The following ITGA5 variants were observed in gnomAD, a reference collection of about 807,000 sequenced individuals.
The protein encoded by ITGA5 is integrin alpha-5.
ITGA5 carries 55 observed loss-of-function variants against 146.3 expected under a neutral mutation model. The observed-to-expected ratio is 0.38, with a 90% CI of 0.30 to 0.47. The LOEUF is 0.47. Ranked by LOEUF, ITGA5 falls within the 20% of genes least tolerant of loss-of-function variation. The probability of loss-of-function intolerance (pLI) is 0.99; values close to 1 mark genes in which losing one functional copy is unlikely to be tolerated. For synonymous variants in ITGA5, 500 were observed against 531.8 expected (o/e 0.94, Z 0.82); for missense variants, 1,131 against 1,329.0 (o/e 0.85, Z 2.32).
chr12:54,408,040 G>A (rs573183756), intron 7 of ITGA5, 70 bp downstream of exon 7: 34 of 1,594,938 alleles, frequency 2.1e-5, no homozygotes, highest in Middle Eastern at 1.9e-4. Flanking sequence ...GAGGGGAGGC[G>A]AGGGGGTGAG....
At chr12:54,398,033 G>A (rs965833990) in intron 28 of ITGA5, among the ~76,000 whole-genome samples, 1 of 151,998 alleles carries the variant, frequency 6.6e-6, no homozygotes, top group Non-Finnish European at 1.5e-5. Context: ...GAGTAGCTGG[G>A]ACCACAGATA....
Position 54,418,962 on chromosome 12 carries a change from T to C in ITGA5, c.218+19A>G, listed in dbSNP as rs753568045. The C allele has an allele frequency of 3.2e-6, 5 of 1,584,976 alleles. No individual in the cohort carries two copies. The highest frequency in any genetic ancestry group is 4.3e-6 in the Non-Finnish European group (5 of 1,164,314). On this transcript the variant is annotated intron_variant, in intron 1 of 29. Coordinates refer to ENST00000293379, the MANE Select transcript of ITGA5 (RefSeq NM_002205.5). ...GCGGCTCCCCCACCCCCATCCCGTC[T>C]CCAGCCCTCCTCACTCACCCGTCTG...
chr12:54,407,911 G>A (rs1448244111), intron 7 of ITGA5, 35 bp from the exon 8 acceptor site: 2 of 1,557,662 alleles, frequency 1.3e-6, no homozygotes, highest in Non-Finnish European at 1.7e-6. Flanking sequence ...TAGGATTCCT[G>A]CTTTGAGGAC....
chr12:54,404,543 C>T, intron 13 of ITGA5, 68 bp from the exon 14 acceptor site: 1 of 1,585,812 alleles, frequency 6.3e-7, no homozygotes, highest in Admixed American at 1.7e-5. Context: ...CCTAACCCCT[C>T]CTGGTTTCAA....
chr12:54,402,196 A>C lies in ITGA5; in HGVS notation c.2117T>G (p.Leu706Arg). 1 of 1,613,662 alleles carries C rather than the reference A, an allele frequency of 6.2e-7. No individual in the cohort carries two copies. The highest frequency in any genetic ancestry group is 8.5e-7 in the Non-Finnish European group (1 of 1,179,678). ...TAPPEAEYSG[L>R]VRHPGNFSSL... ...TCATCTCACCCCTGGGTGTCTGACG[A>C]GTCCTGAGTACTCAGCCTCTGGAGG... Residue 706 changes from leucine to arginine, a missense_variant, in exon 20 of 30, where the codon CTC becomes CGC. Around this residue, in one of 3 missense-constraint regions of ITGA5, gnomAD observed 889 missense variants for 1,021.5 expected, o/e 0.87. Transcript: ENST00000293379.
At chr12:54,405,111 C>A in intron 12 of ITGA5, 55 bp downstream of exon 12, 1 of 1,459,234 alleles carries the variant, frequency 6.9e-7, no homozygotes, top group South Asian at 1.3e-5. Flanking sequence ...TCCCCAAATC[C>A]CTTCTGACTT....
chr12:54,403,555 T>C lies in ITGA5; in HGVS notation c.1776+70A>G, dbSNP rs1197152862. ...CTGGAGTCCCCCAGTCTTTTTCCCT[T>C]CAGGAGGTGCCCTCAGTTCTGTGTG... On this transcript the variant is annotated intron_variant, in intron 17 of 29. Coordinates refer to ENST00000293379, the MANE Select transcript of ITGA5 (RefSeq NM_002205.5). This position sits in a 1 kb window ranked among gnomAD's most constrained non-coding sequence, Gnocchi z 4.9. 10 of 1,522,788 alleles carry C rather than the reference T, an allele frequency of 6.6e-6. No homozygotes were observed. The highest frequency in any genetic ancestry group is 3.8e-5 in the Admixed American group (2 of 52,076). 94.3% of individuals were successfully genotyped at this position (1,522,788 alleles called of 1,614,324 possible).
In ITGA5 at chr12:54,399,677, G is replaced by A; in HGVS notation, c.2809C>T (p.His937Tyr). The change falls in exon 27 of 30, where the codon CAT (histidine) becomes TAT (tyrosine). Residue 937 changes from histidine to tyrosine, a missense_variant. By Grantham distance (83) the His-to-Tyr change is moderately conservative. Transcript: ENST00000293379. The stretch of plus-strand genomic sequence containing the variant: ...AAAGTCTTGGCCCAGACTCGGAAAT[G>A]CAACTGCAGACTTTGGCTCTCTTGT... ...HQQESQSLQL[H>Y]FRVWAKTFLQ... 4 of 1,614,136 alleles carry A rather than the reference G, an allele frequency of 2.5e-6. No individual in the cohort carries two copies. Among genetic ancestry groups the A allele is most frequent in the South Asian group, 2.2e-5 (2 of 91,086 alleles).
At position 54,404,225 on chromosome 12, in the gene ITGA5, A is replaced by G. The variant is rs76150797; in HGVS notation, c.1485T>C (p.Ala495=). 4,606 of 1,602,208 alleles carry G rather than the reference A, an allele frequency of 2.9e-3. 132 individuals are homozygous for G. In the African/African-American group the frequency reaches 0.055, roughly 19 times the overall value. ...CGGGGAAGATGGTGAGGGAGGCACT[A>G]GCGGACACGATGGGGCGGCCCCTGC... is the stretch of plus-strand genomic sequence containing the variant. ...VVYRGRPIVS[A]SASLTIFPAM... Residue 495 remains alanine, a synonymous_variant, in exon 15 of 30, where the codon GCT becomes GCC. Transcript: ENST00000293379.
chr12:54,405,102 C>T, intron 12 of ITGA5, 64 bp downstream of exon 12: 1 of 1,432,814 alleles, frequency 7.0e-7, no homozygotes, highest in Non-Finnish European at 9.5e-7. Context: ...GATGCCCTCT[C>T]CCCAAATCCC....
Position 54,401,271 on chromosome 12 carries a change from C to A in ITGA5, c.2493+102G>T. ...TTTGCATATCACTTACTCCTCCCTC[C>A]TCTCTTTCTCTCAGTCCCTCACATG... On this transcript the variant is annotated intron_variant, in intron 24 of 29. Transcript: ENST00000293379. This position sits in a 1 kb window ranked among gnomAD's most constrained non-coding sequence, Gnocchi z 5.0. 1.1e-6 allele frequency: 1 copy of A among 923,778 alleles called. No individual in the cohort carries two copies. The highest frequency in any genetic ancestry group is 1.4e-5 in the South Asian group (1 of 73,046). 57.2% of individuals were successfully genotyped at this position (923,778 alleles called of 1,614,324 possible).
At chr12:54,407,993 C>T (rs761645667) in intron 7 of ITGA5, 117 bp from the exon 8 acceptor site, 42 of 1,526,024 alleles carry the variant, frequency 2.8e-5, no homozygotes, top group Non-Finnish European at 3.1e-5. Context: ...AGGCACATGA[C>T]AAGTATGGCA....
chr12:54,418,517 G>A (rs991579970), intron 1 of ITGA5, among the ~76,000 whole-genome samples: 4 of 151,732 alleles, frequency 2.6e-5, no homozygotes, highest in Non-Finnish European at 5.9e-5. Context: ...TAGCTCATTC[G>A]GCTTCTACCC....
In ITGA5 at chr12:54,416,412, CCTTTG is replaced by C. The variant is rs1160550002; in HGVS notation, c.218+2564_218+2568del. 6.6e-6 allele frequency among the ~76,000 whole-genome samples: 1 copy of C among 152,202 alleles called. No homozygotes were observed. The highest frequency in any genetic ancestry group is 2.4e-5 in the African/African-American group (1 of 41,452). On this transcript the variant is annotated intron_variant, in intron 1 of 29. Transcript: ENST00000293379. The surrounding 1 kb of genome is among the most constrained non-coding windows in gnomAD (Gnocchi z 4.1). ...ATCTAAAAATGGGGCAATAATGCTT[CCTTTG>C]CTTTAACACAAGGATTTTTGTTACA...
At chr12:54,400,007 A>G in intron 25 of ITGA5, 60 bp from the exon 26 acceptor site, 1 of 1,251,152 alleles carries the variant, frequency 8.0e-7, no homozygotes, top group Non-Finnish European at 1.2e-6. Context: ...GTCAGCTTGC[A>G]CCTGGGTTCC....
intron 9 of ITGA5, among the ~76,000 whole-genome samples, chr12:54,406,620 G>A (rs1016896206): frequency 1.3e-5 from 2 of 152,116 alleles, no homozygotes; most frequent in Admixed American, 6.6e-5. Context: ...TAACCTATCT[G>A]TTTTTGCTCA....
chr12:54,407,991 G>C (rs1955887795), intron 7 of ITGA5, 115 bp from the exon 8 acceptor site: 1 of 1,523,240 alleles, frequency 6.6e-7, no homozygotes, highest in Non-Finnish European at 9.0e-7. Flanking sequence ...GCAGGCACAT[G>C]ACAAGTATGG....
At position 54,409,715 on chromosome 12, in the gene ITGA5, C is replaced by G; in HGVS notation, c.350-118G>C. The G allele has an allele frequency of 3.1e-6, 2 of 636,194 alleles. No homozygotes were observed. The highest frequency in any genetic ancestry group is 5.5e-6 in the Non-Finnish European group (2 of 363,908). 39.4% of individuals were successfully genotyped at this position (636,194 alleles called of 1,614,324 possible). ...GCTTCCAAGCCCTGAGACTCCATGA[C>G]TCGCTGGGAGTGTGGAATTGGTAAG... On this transcript the variant is annotated intron_variant, in intron 2 of 29. Transcript: ENST00000293379. The surrounding 1 kb of genome is among the most constrained non-coding windows in gnomAD (Gnocchi z 4.7).
intron 19 of ITGA5, among the ~76,000 whole-genome samples, chr12:54,402,632 G>A (rs1299050407): frequency 4.0e-5 from 6 of 151,846 alleles, no homozygotes; most frequent in South Asian, 4.2e-4. Context: ...CCTGGGAGGC[G>A]GAGGTTGCAG....
Sources: allele counts gnomAD v4.1 joint callset (sites outside exome capture counted in the v4.1 genomes callset), GRCh38; gene constraint gnomAD v4.1.1; regional missense constraint gnomAD v4.1.1; non-coding constraint Gnocchi (gnomAD v3.1); transcripts MANE v1.5; gene names NCBI Gene and HGNC (gene_info 2026-07-23, HGNC 2026-07-21).